GOLM1: variants seen among roughly 807,000 people sequenced by gnomAD.
The protein encoded by GOLM1 is epididymis luminal protein 46.
In GOLM1, 31 loss-of-function variants were observed where a neutral mutation model predicts 50.5. The observed-to-expected ratio is 0.61, with a 90% CI of 0.46 to 0.83. The LOEUF is 0.83. GOLM1 is among the 40% of genes least tolerant of loss of function. GOLM1 has a pLI of 0.00. For missense variants in GOLM1, 491 were observed against 501.3 expected (o/e 0.98, Z 0.20); for synonymous variants, 178 against 192.8 (o/e 0.92, Z 0.64).
rs1832828633 is a variant in GOLM1 at position 86,027,698 on chromosome 9, A to G, written c.*119T>C. 7 of 1,434,196 alleles carry G rather than the reference A, an allele frequency of 4.9e-6. No individual in the cohort carries two copies. Among genetic ancestry groups the G allele is most frequent in the Middle Eastern group, 1.8e-4 (1 of 5,438 alleles). The allele number at this position is 1,434,196 out of a possible 1,614,324, so 88.8% of individuals were successfully genotyped here. On this transcript the variant is annotated 3_prime_UTR_variant, in exon 10 of 10. Coordinates refer to ENST00000388712, the MANE Select transcript of GOLM1 (RefSeq NM_016548.4). ...AAGTGCATACTAAAATTTCACAATA[A>G]TCATCTTCAGATGTACATTTTATTT...
intron 3 of GOLM1, among the ~76,000 whole-genome samples, chr9:86,076,963 G>C (rs1419646301): frequency 6.6e-6 from 1 of 152,034 alleles, no homozygotes; most frequent in Non-Finnish European, 1.5e-5. Context: ...TAAAAGCAAG[G>C]GTGCAGTCCC....
At chr9:86,052,704 G>T in intron 3 of GOLM1, 113 bp from the exon 4 acceptor site, 1 of 860,788 alleles carries the variant, frequency 1.2e-6, no homozygotes, top group Non-Finnish European at 2.0e-6. Context: ...TGCTGTCAGG[G>T]AAGGAGCTCG....
chr9:86,045,847 C>T (rs567326552), intron 5 of GOLM1, among the ~76,000 whole-genome samples: 1 of 152,120 alleles, frequency 6.6e-6, no homozygotes, highest in South Asian at 2.1e-4. Flanking sequence ...GAGGGCTGGG[C>T]CATGGGTGGT....
At chr9:86,035,903 G>A (rs548893786) in intron 7 of GOLM1, among the ~76,000 whole-genome samples, 49 of 132,640 alleles carry the variant, frequency 3.7e-4, no homozygotes, top group Middle Eastern at 4.0e-3. Flanking sequence ...AAAACACCTG[G>A]ACTAAATTAC....
Position 86,026,631 on chromosome 9 carries a change from G to A in GOLM1, c.*1186C>T. 2 of 984,618 alleles carry A rather than the reference G, an allele frequency of 2.0e-6. No homozygotes were observed. The highest frequency in any genetic ancestry group is 3.5e-5 in the African/African-American group (2 of 57,326). The allele number at this position is 984,618 out of a possible 1,614,324, so 61.0% of individuals were successfully genotyped here. On this transcript the variant is annotated 3_prime_UTR_variant, in exon 10 of 10. Transcript: ENST00000388712. ...ACCCCTTAGAGAGCCTTACTGGGAA[G>A]TCAGTCATTAATGATGTGGCCAGTT...
chr9:86,080,758 T>A, intron 1 of GOLM1, among the ~76,000 whole-genome samples: 1 of 152,178 alleles, frequency 6.6e-6, no homozygotes, highest in East Asian at 1.9e-4. Context: ...CTTACCAGCT[T>A]CTGGCCTCTC....
Position 86,026,213 on chromosome 9 carries a change from G to A in GOLM1, c.*1604C>T. 4.1e-6 allele frequency: 4 copies of A among 980,184 alleles called. No homozygotes were observed. The highest frequency in any genetic ancestry group is 4.8e-6 in the Non-Finnish European group (4 of 825,194). The allele number at this position is 980,184 out of a possible 1,614,324, so 60.7% of individuals were successfully genotyped here. On this transcript the variant is annotated 3_prime_UTR_variant, in exon 10 of 10. Transcript: ENST00000388712. Reference sequence around the variant, plus strand: ...ACAAATTAAACATGAGATGAATAGAGACTTTATTGAGAAAGCAAGAGAAAA... The same window carrying A: ...ACAAATTAAACATGAGATGAATAGAAACTTTATTGAGAAAGCAAGAGAAAA...
chr9:86,080,258 G>A (rs901688347), intron 1 of GOLM1: 1 of 152,204 alleles, frequency 6.6e-6, no homozygotes, highest in African/African-American at 2.4e-5. Flanking sequence ...GAAGAAAGAT[G>A]CCATAAATTT....
rs182946861 is a variant in GOLM1 at position 86,053,025 on chromosome 9, A to C, written c.310-434T>G. The stretch of plus-strand genomic sequence containing the variant: ...CACACCACACACACCACTCCACACA[A>C]CACCACGCCATATGACTCCACACAC... On this transcript the variant is annotated intron_variant, in intron 3 of 9. Coordinates refer to ENST00000388712, the MANE Select transcript of GOLM1 (RefSeq NM_016548.4). 1.3e-3 allele frequency among the ~76,000 whole-genome samples: 182 copies of C among 135,514 alleles called. 4 individuals are homozygous for C. The South Asian group carries it at 0.037, about 27-fold the overall frequency. 88.9% of individuals were successfully genotyped at this position (135,514 alleles called of 152,430 possible). A position where few individuals can be genotyped will look rare whatever the true frequency, so the allele number is the denominator to read the frequency against.
At chr9:86,033,480 G>A in intron 8 of GOLM1, 85 bp from the exon 9 acceptor site, 1 of 802,682 alleles carries the variant, frequency 1.2e-6, no homozygotes, top group South Asian at 1.5e-5. Context: ...CTGGGGGTTA[G>A]CCATACTTGC....
intron 3 of GOLM1, among the ~76,000 whole-genome samples, chr9:86,055,790 G>T (rs376856962): frequency 6.6e-6 from 1 of 152,112 alleles, no homozygotes; most frequent in Non-Finnish European, 1.5e-5. Flanking sequence ...GGATAGGAGA[G>T]GGGGGAGGGA....
chr9:86,041,236 C>G (rs1284193091), intron 5 of GOLM1, among the ~76,000 whole-genome samples: 1 of 152,114 alleles, frequency 6.6e-6, no homozygotes, highest in Non-Finnish European at 1.5e-5. Flanking sequence ...TTCACAAGCC[C>G]CTCTGGACCA....
intron 3 of GOLM1, among the ~76,000 whole-genome samples, chr9:86,076,716 T>C (rs1375131495): frequency 1.3e-5 from 2 of 151,538 alleles, no homozygotes; most frequent in African/African-American, 4.9e-5. Context: ...AATATAAAAA[T>C]TAGCTGGGCG....
chr9:86,098,703 A>T (rs753787884), intron 1 of GOLM1, among the ~76,000 whole-genome samples: 2 of 152,290 alleles, frequency 1.3e-5, no homozygotes, highest in Non-Finnish European at 2.9e-5. Flanking sequence ...AAAGCAAATC[A>T]TTAAAAATAT....
chr9:86,089,079 A>T (rs1019529822), intron 1 of GOLM1, among the ~76,000 whole-genome samples: 2 of 152,202 alleles, frequency 1.3e-5, no homozygotes, highest in African/African-American at 2.4e-5. Context: ...AATGTTGAAT[A>T]TTAGCCCCCA....
At chr9:86,060,547 C>G (rs1411126858) in intron 3 of GOLM1, among the ~76,000 whole-genome samples, 1 of 151,990 alleles carries the variant, frequency 6.6e-6, no homozygotes, top group Admixed American at 6.6e-5. Context: ...GTCCACAAGC[C>G]CCTAAAGATG....
chr9:86,053,112 ACACACCACACCACACAC>A, intron 3 of GOLM1, among the ~76,000 whole-genome samples: 1 of 131,882 alleles, frequency 7.6e-6, no homozygotes, highest in Non-Finnish European at 1.6e-5. Flanking sequence ...TCCACACCAC[ACACACCACACCACACAC>A]CACACCAAAC....
Position 86,056,630 on chromosome 9 carries a change from T to C in GOLM1, c.310-4039A>G, listed in dbSNP as rs548392455. On this transcript the variant is annotated intron_variant, in intron 3 of 9. Coordinates refer to ENST00000388712, the MANE Select transcript of GOLM1 (RefSeq NM_016548.4). ...AAGCAATTCCCCTGCCTCAGCCTCCTGAGTAGCTGGGACTACAGGCGCCCG... is the reference window on the plus strand; with the variant it reads ...AAGCAATTCCCCTGCCTCAGCCTCCCGAGTAGCTGGGACTACAGGCGCCCG... Among the ~76,000 whole-genome samples the C allele has an allele frequency of 7.9e-5, 12 of 151,918 alleles. No individual in the cohort carries two copies. In the South Asian group the frequency reaches 2.1e-3, roughly 26 times the overall value.
At chr9:86,076,130 T>A (rs138569141) in intron 3 of GOLM1, among the ~76,000 whole-genome samples, 78 of 152,100 alleles carry the variant, frequency 5.1e-4, no homozygotes, top group African/African-American at 1.9e-3. Flanking sequence ...AAAAGCCAAA[T>A]TTTTCAGGCC....
Sources: allele counts gnomAD v4.1 joint callset (sites outside exome capture counted in the v4.1 genomes callset), GRCh38; gene constraint gnomAD v4.1.1; transcripts MANE v1.5; gene names NCBI Gene and HGNC (gene_info 2026-07-23, HGNC 2026-07-21).